GRK1: variants seen among roughly 807,000 people sequenced by gnomAD.
GRK1 encodes G protein-coupled receptor kinase 1.
In GRK1, 28 loss-of-function variants were observed where a neutral mutation model predicts 41.7. The ratio of observed to expected loss-of-function variants is 0.67; its 90% CI spans 0.50 to 0.92. GRK1 has a LOEUF of 0.92. Ranked by LOEUF, GRK1 falls within the 40% of genes least tolerant of loss-of-function variation. The pLI is 0.00. For missense variants in GRK1, 703 were observed against 671.2 expected (o/e 1.05, Z -0.52); for synonymous variants, 327 against 286.7 (o/e 1.14, Z -1.42).
intron 1 of GRK1, among the ~76,000 whole-genome samples, chr13:113,669,217 T>C (rs1209102843): frequency 6.6e-6 from 1 of 152,224 alleles, no homozygotes; most frequent in Non-Finnish European, 1.5e-5. Context: ...GCTATCCTTA[T>C]CCAGACACTT....
intron 6 of GRK1, among the ~76,000 whole-genome samples, chr13:113,734,023 C>T (rs550060603): frequency 1.9e-4 from 17 of 90,732 alleles, no homozygotes; most frequent in South Asian, 8.4e-4. Context: ...CATGTGTGTG[C>T]GTGCGTGTGC....
the GRK1 span, chr13:113,658,048 T>C: frequency 1.2e-6 from 2 of 1,601,200 alleles, no homozygotes; most frequent in Non-Finnish European, 1.7e-6. Flanking sequence ...CGGGACAGGG[T>C]GCGGCCCAGC....
chr13:113,660,475 A>AGTGT, the GRK1 span, among the ~76,000 whole-genome samples: 2 of 152,216 alleles, frequency 1.3e-5, no homozygotes, highest in African/African-American at 4.8e-5. Context: ...GGGGTCAGAG[A>AGTGT]AAGCCAGTAA....
At chr13:113,724,275 C>T (rs1004555167) in intron 4 of GRK1, among the ~76,000 whole-genome samples, 1 of 152,222 alleles carries the variant, frequency 6.6e-6, no homozygotes, top group Non-Finnish European at 1.5e-5. Context: ...ACGTGCCCGG[C>T]GCCTGTGTAC....
At chr13:113,734,968 T>A in intron 6 of GRK1, 100 bp from the exon 7 acceptor site, 1 of 1,199,552 alleles carries the variant, frequency 8.3e-7, no homozygotes, top group South Asian at 1.7e-5. Flanking sequence ...GCCCCAGGCC[T>A]TTGTGCATCT....
chr13:113,734,914 G>A, intron 6 of GRK1, 154 bp from the exon 7 acceptor site: 1 of 705,768 alleles, frequency 1.4e-6, no homozygotes, highest in Admixed American at 3.4e-5. Flanking sequence ...GGGAACACTG[G>A]GCTTTCTCTC....
the GRK1 span, chr13:113,648,857 A>G: frequency 5.3e-5 from 8 of 152,208 alleles, no homozygotes; most frequent in African/African-American, 1.9e-4. Context: ...AGGAAACACG[A>G]TTTCTTTTTT....
chr13:113,652,731 A>G, the GRK1 span: 3 of 943,726 alleles, frequency 3.2e-6, no homozygotes, highest in South Asian at 2.8e-5. Flanking sequence ...TGCCAAACCA[A>G]GGTACAGGGT....
intron 1 of GRK1, 92 bp from the exon 2 acceptor site, chr13:113,669,595 C>T: frequency 6.7e-7 from 1 of 1,496,178 alleles, no homozygotes. Flanking sequence ...TGGCTGTGTG[C>T]AGTGGGCGTG....
intron 6 of GRK1, 107 bp downstream of exon 6, chr13:113,733,192 G>GA (rs1365564749): frequency 8.9e-7 from 1 of 1,126,058 alleles, no homozygotes; most frequent in Non-Finnish European, 1.2e-6. Context: ...GAGTGCCTCA[G>GA]ACCCCCAAGG....
intron 6 of GRK1, among the ~76,000 whole-genome samples, chr13:113,733,614 TGTGTGTGCATAC>T (rs1406754832): frequency 2.1e-5 from 3 of 143,484 alleles, no homozygotes; most frequent in South Asian, 4.2e-4. Flanking sequence ...CGCATGTGTA[TGTGTGTGCATAC>T]GTGTGTGCTC....
At chr13:113,652,771 G>A in the GRK1 span, 7 of 1,393,774 alleles carry the variant, frequency 5.0e-6, no homozygotes, top group Non-Finnish European at 7.0e-6. Context: ...TCCCGCTTGG[G>A]CAAGCCCCAG....
chr13:113,648,929 A>G, the GRK1 span: 1 of 152,934 alleles, frequency 6.5e-6, no homozygotes, highest in Non-Finnish European at 1.5e-5. Context: ...TGCAATTTTA[A>G]AAGCAAGAAT....
At chr13:113,651,118 G>A in the GRK1 span, among the ~76,000 whole-genome samples, 3 of 152,050 alleles carry the variant, frequency 2.0e-5, no homozygotes, top group East Asian at 1.9e-4. Flanking sequence ...AAGGCTCCAC[G>A]CGGTAATGGA....
In GRK1 at chr13:113,731,533, GC is replaced by G. The variant is rs1032193860; in HGVS notation, c.1194+195del. ...ATGCTGTTCTGTCTCAGTGGGTGAC[GC>G]CCCCAGCCCCTGAGGCCTGCAGGTG... On this transcript the variant is annotated intron_variant, in intron 5 of 6. Transcript: ENST00000335678. The surrounding 1 kb of genome is among the most constrained non-coding windows in gnomAD (Gnocchi z 5.6). 4 of 384,112 alleles carry G rather than the reference GC, an allele frequency of 1.0e-5. No homozygotes were observed. The highest frequency in any genetic ancestry group is 1.4e-5 in the Non-Finnish European group (4 of 280,498). 23.8% of individuals were successfully genotyped at this position (384,112 alleles called of 1,614,324 possible). A position where few individuals can be genotyped will look rare whatever the true frequency, so the allele number is the denominator to read the frequency against.
Position 113,731,524 on chromosome 13 carries a change from G to C in GRK1, c.1194+181G>C, listed in dbSNP as rs907212389. 1 of 456,120 alleles carries C rather than the reference G, an allele frequency of 2.2e-6. No individual in the cohort carries two copies. The allele number at this position is 456,120 out of a possible 1,614,324, so 28.3% of individuals were successfully genotyped here. Reference sequence around the variant, plus strand: ...TCCTGGGCCATGCTGTTCTGTCTCAGTGGGTGACGCCCCCAGCCCCTGAGG... The same window carrying C: ...TCCTGGGCCATGCTGTTCTGTCTCACTGGGTGACGCCCCCAGCCCCTGAGG... On this transcript the variant is annotated intron_variant, in intron 5 of 6. Transcript: ENST00000335678. The surrounding 1 kb of genome is among the most constrained non-coding windows in gnomAD (Gnocchi z 5.6).
At chr13:113,734,257 G>C (rs549203330) in intron 6 of GRK1, among the ~76,000 whole-genome samples, 5 of 152,244 alleles carry the variant, frequency 3.3e-5, no homozygotes, top group Non-Finnish European at 7.3e-5. Flanking sequence ...TCACAGCAGT[G>C]ACTGCCAGAC....
At chr13:113,734,072 GTGTA>G (rs1432207675) in intron 6 of GRK1, among the ~76,000 whole-genome samples, 6 of 152,130 alleles carry the variant, frequency 3.9e-5, no homozygotes, top group South Asian at 2.1e-4. Context: ...ATGTGTGTGC[GTGTA>G]TGTGTGTGTG....
chr13:113,660,520 G>T, the GRK1 span, among the ~76,000 whole-genome samples: 1 of 152,210 alleles, frequency 6.6e-6, no homozygotes, highest in Non-Finnish European at 1.5e-5. Context: ...AAACGTCTGG[G>T]TTTCAGTAGA....
Sources: allele counts gnomAD v4.1 joint callset (sites outside exome capture counted in the v4.1 genomes callset), GRCh38; gene constraint gnomAD v4.1.1; non-coding constraint Gnocchi (gnomAD v3.1); transcripts MANE v1.5; gene names NCBI Gene and HGNC (gene_info 2026-07-23, HGNC 2026-07-21).